Variants in ITPRID1 observed in about 807,000 individuals in gnomAD.
ITPRID1 encodes the protein protein ITPRID1.
A neutral mutation model predicts 95.4 loss-of-function variants in ITPRID1; 96 were observed. That is an observed-to-expected ratio of 1.01 (90% confidence interval 0.85 to 1.19). ITPRID1 has a LOEUF of 1.19. ITPRID1 is among the 50% of genes most tolerant of loss of function. ITPRID1 has a pLI of 0.00. For synonymous variants in ITPRID1, 510 were observed against 453.6 expected (o/e 1.12, Z -1.58); for missense variants, 1,339 against 1,252.9 (o/e 1.07, Z -1.04).
chr7:31,646,510 A>T (rs941353455), intron 12 of ITPRID1, among the ~76,000 whole-genome samples: 6 of 152,166 alleles, frequency 3.9e-5, no homozygotes, highest in African/African-American at 1.4e-4. Flanking sequence ...TGGTAAGGAC[A>T]TTATTCAGAA....
At chr7:31,518,915 AAAG>A (rs1181313373) in intron 1 of ITPRID1, among the ~76,000 whole-genome samples, 3 of 152,210 alleles carry the variant, frequency 2.0e-5, no homozygotes, top group African/African-American at 4.8e-5. Flanking sequence ...AGAAGATGCA[AAAG>A]AAGTTGGGCA....
At position 31,652,623 on chromosome 7, in the gene ITPRID1, C is replaced by A. The variant is rs746679480; in HGVS notation, c.2929C>A (p.Pro977Thr). 6.2e-7 allele frequency: 1 copy of A among 1,613,628 alleles called. No individual in the cohort carries two copies. Among genetic ancestry groups the A allele is most frequent in the South Asian group, 1.1e-5 (1 of 91,042 alleles). ...GCAGACTTCATGTTCTAAAATCCAC[C>A]CAGGCATGGCCCCGAGGACTGTGTT... ...NGQTSCSKIH[P>T]GMAPRTVFPP... The change falls in exon 15 of 15, where the codon CCA (proline) becomes ACA (threonine). Residue 977 changes from proline to threonine, a missense_variant. Physicochemically the swap from Pro to Thr is conservative, Grantham distance 38. Coordinates refer to ENST00000615280, the MANE Select transcript of ITPRID1 (RefSeq NM_001257967.3).
intron 10 of ITPRID1, among the ~76,000 whole-genome samples, chr7:31,597,239 C>G (rs769878734): frequency 1.3e-5 from 2 of 151,914 alleles, no homozygotes; most frequent in Non-Finnish European, 2.9e-5. Context: ...AGGAATACAA[C>G]CTGCCCACAT....
Position 31,656,013 on chromosome 7 carries a change from G to A in ITPRID1, c.*3184G>A. ...GTGTTCCTGCTTCCTCTCCTTTGCT[G>A]AAACAAATGAAGTATCTCACCAGTA... On this transcript the variant is annotated 3_prime_UTR_variant, in exon 15 of 15. Transcript: ENST00000615280. The A allele has an allele frequency of 1.0e-6, 1 of 985,048 alleles. No homozygotes were observed. Among genetic ancestry groups the A allele is most frequent in the African/African-American group, 1.7e-5 (1 of 57,334 alleles). 61.0% of individuals were successfully genotyped at this position (985,048 alleles called of 1,614,324 possible). A position where few individuals can be genotyped will look rare whatever the true frequency, so the allele number is the denominator to read the frequency against.
At chr7:31,519,961 T>A (rs1288931976) in intron 1 of ITPRID1, among the ~76,000 whole-genome samples, 3 of 148,392 alleles carry the variant, frequency 2.0e-5, no homozygotes, top group Admixed American at 6.7e-5. Flanking sequence ...TTTACCTAAC[T>A]TTTTTTTTTG....
At chr7:31,622,453 T>A (rs1403906751) in intron 10 of ITPRID1, among the ~76,000 whole-genome samples, 7 of 151,000 alleles carry the variant, frequency 4.6e-5, no homozygotes, top group Admixed American at 4.6e-4. Context: ...ATTAAGAAAC[T>A]CACTCAAAAC....
Position 31,549,494 on chromosome 7 carries a change from T to C in ITPRID1, c.-29T>C, listed in dbSNP as rs1253719067. 1 of 1,525,352 alleles carries C rather than the reference T, an allele frequency of 6.6e-7. No individual in the cohort carries two copies. Among genetic ancestry groups the C allele is most frequent in the Admixed American group, 2.0e-5 (1 of 50,154 alleles). The allele number at this position is 1,525,352 out of a possible 1,614,324, so 94.5% of individuals were successfully genotyped here. ...GAAAAAGAAAGAAAACTGACCAATA[T>C]GAGTGGTGATTGTTTTGGATATATT... On this transcript the variant is annotated 5_prime_UTR_variant, in exon 2 of 15. The change abolishes an upstream ATG in the 5' untranslated region. Coordinates refer to ENST00000615280, the MANE Select transcript of ITPRID1 (RefSeq NM_001257967.3).
intron 1 of ITPRID1, among the ~76,000 whole-genome samples, chr7:31,537,664 C>T (rs1423498099): frequency 4.0e-5 from 6 of 151,872 alleles, no homozygotes; most frequent in African/African-American, 2.4e-5. Flanking sequence ...TGTTCTTATT[C>T]CATTGATTTT....
At chr7:31,658,518 G>A, downstream of ITPRID1, 1 of 741,802 alleles carries the variant, frequency 1.3e-6, no homozygotes, top group East Asian at 3.1e-5. Context: ...GTTTTAGAGT[G>A]TTTTCATGTG....
At chr7:31,601,845 C>T (rs182178309) in intron 10 of ITPRID1, among the ~76,000 whole-genome samples, 111 of 152,272 alleles carry the variant, frequency 7.3e-4, no homozygotes, top group East Asian at 3.7e-3. Context: ...TGCTCACGGG[C>T]GACCAGAACA....
chr7:31,608,205 T>A (rs1401638740), intron 10 of ITPRID1, among the ~76,000 whole-genome samples: 1 of 152,082 alleles, frequency 6.6e-6, no homozygotes, highest in Non-Finnish European at 1.5e-5. Flanking sequence ...CTCTAAGTTC[T>A]ATTCTATTAA....
At chr7:31,633,081 T>A (rs550462744) in intron 10 of ITPRID1, among the ~76,000 whole-genome samples, 5 of 152,072 alleles carry the variant, frequency 3.3e-5, no homozygotes, top group Admixed American at 2.0e-4. Context: ...AAGACAGGGT[T>A]TCACCATGTT....
chr7:31,529,749 A>G (rs1583463732), intron 1 of ITPRID1: 1 of 1,534,428 alleles, frequency 6.5e-7, no homozygotes. Context: ...AAGGCACAGA[A>G]GATCTCCACA....
chr7:31,636,023 A>G (rs1487714792), intron 10 of ITPRID1, among the ~76,000 whole-genome samples: 1 of 152,186 alleles, frequency 6.6e-6, no homozygotes, highest in African/African-American at 2.4e-5. Flanking sequence ...ATCACGGCAG[A>G]AGGCACTTTT....
intron 10 of ITPRID1, among the ~76,000 whole-genome samples, chr7:31,589,695 A>C (rs1368373805): frequency 6.6e-6 from 1 of 152,226 alleles, no homozygotes; most frequent in Non-Finnish European, 1.5e-5. Flanking sequence ...ACTATGAGCC[A>C]GAAATATACA....
chr7:31,641,563 G>A (rs568678041), intron 10 of ITPRID1, among the ~76,000 whole-genome samples: 251 of 152,220 alleles, frequency 1.6e-3, no homozygotes, highest in Middle Eastern at 0.014. Flanking sequence ...TAATATTTAC[G>A]TAAGAATCTA....
chr7:31,639,277 T>G (rs1789782204), intron 10 of ITPRID1, among the ~76,000 whole-genome samples: 3 of 152,144 alleles, frequency 2.0e-5, no homozygotes, highest in Admixed American at 1.3e-4. Flanking sequence ...TTTTAAAAAG[T>G]ATTTTCTTTT....
intron 10 of ITPRID1, among the ~76,000 whole-genome samples, chr7:31,603,577 T>A (rs978288863): frequency 2.0e-5 from 3 of 152,212 alleles, no homozygotes; most frequent in African/African-American, 7.2e-5. Context: ...ACTACACTTG[T>A]TTGGGGCATT....
intron 1 of ITPRID1, among the ~76,000 whole-genome samples, chr7:31,516,599 T>G (rs1014663804): frequency 6.6e-6 from 1 of 151,846 alleles, no homozygotes; most frequent in Non-Finnish European, 1.5e-5. Flanking sequence ...CAGATTTGAA[T>G]GTAAGTCTGT....
Sources: allele counts gnomAD v4.1 joint callset (sites outside exome capture counted in the v4.1 genomes callset), GRCh38; gene constraint gnomAD v4.1.1; transcripts MANE v1.5; gene names NCBI Gene and HGNC (gene_info 2026-07-23, HGNC 2026-07-21).